Variants in SLC11A1 observed in about 807,000 individuals in gnomAD.
SLC11A1 encodes solute carrier family 11 member 1.
SLC11A1 carries 59 observed loss-of-function variants against 63.2 expected under a neutral mutation model. The observed-to-expected ratio is 0.93, with a 90% CI of 0.76 to 1.16. The LOEUF (loss-of-function observed/expected upper bound fraction) is 1.16. Among genes scored for constraint, SLC11A1 ranks in the 50% most tolerant of loss-of-function variants. The pLI is 0.00. For synonymous variants in SLC11A1, 305 were observed against 307.8 expected (o/e 0.99, Z 0.09); for missense variants, 688 against 730.7 (o/e 0.94, Z 0.67).
chr2:218,383,924 C>T lies in SLC11A1; in HGVS notation c.151-319C>T, dbSNP rs2276632. On this transcript the variant is annotated intron_variant, in intron 2 of 14. Transcript: ENST00000233202. ...GAGGAGCTGGGCTAGGGAAGCTTGG[C>T]CCCCTCACCCCCTTAGACAGCCCCC... The T allele has an allele frequency of 2.8e-4, 53 of 187,626 alleles. No individual in the cohort carries two copies. The East Asian group carries it at 6.1e-3, about 22-fold the overall frequency. The allele number at this position is 187,626 out of a possible 1,614,324, so 11.6% of individuals were successfully genotyped here. A position where few individuals can be genotyped will look rare whatever the true frequency, so the allele number is the denominator to read the frequency against.
intron 11 of SLC11A1, chr2:218,392,061 T>TTTTC (rs999941400): frequency 1.8e-5 from 7 of 387,690 alleles, no homozygotes; most frequent in South Asian, 3.7e-5. Flanking sequence ...CGGCCTTTTC[T>TTTTC]TTTCTTTCTT....
At position 218,390,136 on chromosome 2, in the gene SLC11A1, G is replaced by T. The variant is rs1325273744; in HGVS notation, c.954+108G>T. ...CTGAGCCCTTCTGAGTCTCTGCCCT[G>T]ATGATCTTCCCTGTTGGCAGATATC... On this transcript the variant is annotated intron_variant, in intron 9 of 14. Transcript: ENST00000233202. The T allele has an allele frequency of 1.5e-5, 17 of 1,164,392 alleles. No individual in the cohort carries two copies. The Admixed American group carries it at 4.4e-4, about 30-fold the overall frequency. 72.1% of individuals were successfully genotyped at this position (1,164,392 alleles called of 1,614,324 possible).
At chr2:218,392,768 T>C (rs754016760) in intron 11 of SLC11A1, 16 of 478,658 alleles carry the variant, frequency 3.3e-5, no homozygotes, top group Non-Finnish European at 5.1e-5. Flanking sequence ...TCCCCAAAAC[T>C]GTTTAGTCTT....
At chr2:218,389,410 G>T (rs1455494139) in intron 8 of SLC11A1, among the ~76,000 whole-genome samples, 2 of 152,018 alleles carry the variant, frequency 1.3e-5, no homozygotes, top group Admixed American at 6.6e-5. Flanking sequence ...AAAATTAGCG[G>T]GTTGTAGTGG....
Position 218,387,817 on chromosome 2 carries a change from T to G in SLC11A1, c.657T>G (p.Pro219=), listed in dbSNP as rs775601099. The change falls in exon 8 of 15, where the codon CCT becomes CCG. Residue 219 remains proline, a synonymous_variant. Transcript: ENST00000233202. Reference sequence around the variant, plus strand: ...CCCTGCAGTATGTGGTGGCGCGTCCTGAGCAGGGAGCGCTTCTTCGGGGCC... The same window carrying G: ...CCCTGCAGTATGTGGTGGCGCGTCCGGAGCAGGGAGCGCTTCTTCGGGGCC... ...TFGYEYVVAR[P]EQGALLRGLF... The G allele has an allele frequency of 5.0e-6, 8 of 1,607,072 alleles. No homozygotes were observed. The highest frequency in any genetic ancestry group is 1.7e-5 in the Admixed American group (1 of 58,144).
intron 11 of SLC11A1, chr2:218,391,872 C>T (rs1012638598): frequency 1.1e-5 from 3 of 266,810 alleles, no homozygotes; most frequent in Non-Finnish European, 2.2e-5. Context: ...ATCCGCCTGC[C>T]TTGGCCTCCC....
At chr2:218,385,333 C>T (rs1019232325) in intron 4 of SLC11A1, 67 bp downstream of exon 4, 67 of 1,602,540 alleles carry the variant, frequency 4.2e-5, no homozygotes, top group Non-Finnish European at 5.5e-5. Flanking sequence ...TTTTCAGCTT[C>T]CACGATCAAA....
chr2:218,385,156 G>T lies in SLC11A1; in HGVS notation c.283G>T (p.Val95Leu). ...CCCTGCCTCCTCACAGCTTCTCTGG[G>T]TGCTGCTCTGGGCCACCGTGTTGGG... is the stretch of plus-strand genomic sequence containing the variant. The part of the protein sequence containing the change: ...GAVAGFKLLW[V>L]LLWATVLGLL... Residue 95 changes from valine (V) to leucine (L), a missense_variant, in exon 4 of 15, where the codon GTG (valine) becomes TTG (leucine). Transcript: ENST00000233202. The T allele has an allele frequency of 6.2e-7, 1 of 1,613,838 alleles. No individual in the cohort carries two copies. Among genetic ancestry groups the T allele is most frequent in the Non-Finnish European group, 8.5e-7 (1 of 1,179,852 alleles).
At chr2:218,386,272 GA>G (rs1417199305) in intron 4 of SLC11A1, among the ~76,000 whole-genome samples, 1 of 152,064 alleles carries the variant, frequency 6.6e-6, no homozygotes, top group Admixed American at 6.6e-5. Context: ...GACCAACATG[GA>G]GAAACCCCGT....
At chr2:218,394,833 A>G (rs1365702454) in intron 14 of SLC11A1, 48 bp downstream of exon 14, 1 of 1,608,918 alleles carries the variant, frequency 6.2e-7, no homozygotes. Flanking sequence ...GGGAAGGACA[A>G]GAGGCAACCA....
chr2:218,394,805 T>C lies in SLC11A1; in HGVS notation c.1542+20T>C. 1 of 1,610,740 alleles carries C rather than the reference T, an allele frequency of 6.2e-7. No individual in the cohort carries two copies. Among genetic ancestry groups the C allele is most frequent in the Non-Finnish European group, 8.5e-7 (1 of 1,179,866 alleles). On this transcript the variant is annotated intron_variant, in intron 14 of 14. Transcript: ENST00000233202. ...TACCTGGTACAGTAGGGCCAGGGGA[T>C]GCCTTGGGAATGGATGAGGGAAGGA...
chr2:218,388,002 C>T (rs1312938450), intron 8 of SLC11A1, 47 bp downstream of exon 8: 1 of 1,513,700 alleles, frequency 6.6e-7, no homozygotes, highest in South Asian at 1.3e-5. Flanking sequence ...CAGTCGGAGC[C>T]ATGCTGGCTC....
At chr2:218,388,385 A>G (rs1286340439) in intron 8 of SLC11A1, 1 of 164,364 alleles carries the variant, frequency 6.1e-6, no homozygotes, top group East Asian at 1.9e-4. Context: ...AAAAAAAAAA[A>G]GAAAAGAAAA....
At chr2:218,391,130 A>T in intron 9 of SLC11A1, 68 bp from the exon 10 acceptor site, 2 of 1,396,586 alleles carry the variant, frequency 1.4e-6, no homozygotes, top group South Asian at 1.2e-5. Flanking sequence ...GGTCAGTGCT[A>T]GGCAGTCCAG....
In SLC11A1 at chr2:218,395,214, GTCC is replaced by G. The variant is rs543633078; in HGVS notation, c.*182_*184del. On this transcript the variant is annotated 3_prime_UTR_variant, in exon 15 of 15. Coordinates refer to ENST00000233202, the MANE Select transcript of SLC11A1 (RefSeq NM_000578.4). ...ATGTGATTACCCTCTGGGTCTCAGT[GTCC>G]TCATCTGTAAAATGGAGACACCACC... is the stretch of plus-strand genomic sequence containing the variant. 1.3e-4 allele frequency: 75 copies of G among 592,916 alleles called. No homozygotes were observed. The South Asian group carries it at 1.5e-3, about 12-fold the overall frequency. The allele number at this position is 592,916 out of a possible 1,614,324, so 36.7% of individuals were successfully genotyped here.
intron 14 of SLC11A1, 67 bp from the exon 15 acceptor site, chr2:218,394,858 G>T (rs186038943): frequency 6.2e-7 from 1 of 1,607,136 alleles, no homozygotes; most frequent in Non-Finnish European, 8.5e-7. Flanking sequence ...GGAGGGTTTG[G>T]GGGGACACAA....
intron 11 of SLC11A1, chr2:218,392,393 C>T (rs1696507358): frequency 1.2e-5 from 2 of 166,742 alleles, no homozygotes; most frequent in African/African-American, 5.0e-5. Flanking sequence ...CAGGATTTCA[C>T]TCTGTTGCTC....
chr2:218,388,292 C>T lies in SLC11A1; in HGVS notation c.795+337C>T, dbSNP rs568850851. 4.5e-3 allele frequency: 1,058 copies of T among 235,912 alleles called. 14 individuals carry two copies. The highest frequency in any genetic ancestry group is 0.023 in the African/African-American group (988 of 42,046). 14.6% of individuals were successfully genotyped at this position (235,912 alleles called of 1,614,324 possible). On this transcript the variant is annotated intron_variant, in intron 8 of 14. Coordinates refer to ENST00000233202, the MANE Select transcript of SLC11A1 (RefSeq NM_000578.4). The stretch of plus-strand genomic sequence containing the variant: ...CTGAGGCAGGAGAATCGCTTGAACC[C>T]GGGAGGCAGAGGTTGCGGTGAGCCG...
chr2:218,393,627 C>T (rs1252465649), intron 12 of SLC11A1, among the ~76,000 whole-genome samples: 4 of 152,034 alleles, frequency 2.6e-5, no homozygotes, highest in Non-Finnish European at 2.9e-5. Context: ...CAAGCGCCCA[C>T]CATCACACCC....
Sources: allele counts gnomAD v4.1 joint callset (sites outside exome capture counted in the v4.1 genomes callset), GRCh38; gene constraint gnomAD v4.1.1; transcripts MANE v1.5; gene names NCBI Gene and HGNC (gene_info 2026-07-23, HGNC 2026-07-21).